MIIP: variants seen among roughly 807,000 people sequenced by gnomAD.
MIIP encodes the protein migration and invasion-inhibitory protein.
In MIIP, 44 loss-of-function variants were observed where a neutral mutation model predicts 44.8. That is an observed-to-expected ratio of 0.98 (90% CI 0.77 to 1.26). The LOEUF is 1.26. Among genes scored for constraint, MIIP ranks in the 50% most tolerant of loss-of-function variants. MIIP has a pLI of 0.00. For missense variants in MIIP, 496 were observed against 511.7 expected (o/e 0.97, Z 0.30); for synonymous variants, 225 against 218.3 (o/e 1.03, Z -0.27).
chr1:12,029,662 G>A (rs1328801483), intron 6 of MIIP, 103 bp from the exon 7 acceptor site: 1 of 1,485,174 alleles, frequency 6.7e-7, no homozygotes, highest in Non-Finnish European at 9.1e-7. Context: ...CTTCCCAGAG[G>A]GATTGGCAGC....
chr1:12,022,792 CT>C, intron 3 of MIIP, 40 bp from the exon 4 acceptor site: 1 of 1,507,920 alleles, frequency 6.6e-7, no homozygotes, highest in South Asian at 1.2e-5. Flanking sequence ...TGGGCCAGGC[CT>C]CTTGGCTTAG....
In MIIP at chr1:12,020,887, C is replaced by T. The variant is rs117512839; in HGVS notation, c.-82-758C>T. 3.7e-3 allele frequency among the ~76,000 whole-genome samples: 561 copies of T among 152,258 alleles called. 7 individuals carry two copies. The East Asian group carries it at 0.041, about 11-fold the overall frequency. ...TTAGTAGCGACGAGGTCTCTCGCCA[C>T]GTTGGCTAGGCTCATCTCAAACTCC... On this transcript the variant is annotated intron_variant, in intron 1 of 9. Coordinates refer to ENST00000235332, the MANE Select transcript of MIIP (RefSeq NM_021933.4).
chr1:12,027,290 A>C (rs1217404986), intron 4 of MIIP, among the ~76,000 whole-genome samples: 1 of 152,168 alleles, frequency 6.6e-6, no homozygotes, highest in Non-Finnish European at 1.5e-5. Flanking sequence ...GATTATAGGC[A>C]TGAGCCACTG....
chr1:12,029,584 C>T, intron 6 of MIIP, 181 bp from the exon 7 acceptor site: 5 of 869,308 alleles, frequency 5.8e-6, no homozygotes, highest in Non-Finnish European at 8.8e-6. Flanking sequence ...GGATGTCCCT[C>T]CCCACCCCTT....
Position 12,022,445 on chromosome 1 carries a change from A to C in MIIP, c.462+3A>C, listed in dbSNP as rs1215539568. The C allele has an allele frequency of 6.5e-7, 1 of 1,531,002 alleles. No individual in the cohort carries two copies. Among genetic ancestry groups the C allele is most frequent in the Non-Finnish European group, 8.8e-7 (1 of 1,139,654 alleles). The allele number at this position is 1,531,002 out of a possible 1,614,324, so 94.8% of individuals were successfully genotyped here. A position where few individuals can be genotyped will look rare whatever the true frequency, so the allele number is the denominator to read the frequency against. ...CTCAACAGAGCAAGCTGTCCAAGGT[A>C]ACGTGGGAGAGCGGGACATCTGCTG... On this transcript the variant is annotated splice_donor_region_variant and intron_variant, in intron 3 of 9. Transcript: ENST00000235332.
chr1:12,025,028 C>CTTTTTTTTTTTTTTTTT (rs147513513), intron 4 of MIIP, among the ~76,000 whole-genome samples: 42 of 123,888 alleles, frequency 3.4e-4, no homozygotes, highest in African/African-American at 4.4e-4. Context: ...AATTCCCTTC[C>CTTTTTTTTTTTTTTTTT]TTTTTTTTTT....
chr1:12,031,906 A>C lies in MIIP; in HGVS notation c.*98A>C. 4 of 1,266,070 alleles carry C rather than the reference A, an allele frequency of 3.2e-6. No individual in the cohort carries two copies. The highest frequency in any genetic ancestry group is 4.5e-6 in the Non-Finnish European group (4 of 894,876). The allele number at this position is 1,266,070 out of a possible 1,614,324, so 78.4% of individuals were successfully genotyped here. A position where few individuals can be genotyped will look rare whatever the true frequency, so the allele number is the denominator to read the frequency against. On this transcript the variant is annotated 3_prime_UTR_variant, in exon 10 of 10. Transcript: ENST00000235332. ...ATGGAATCCCCTGCCCGCCCAGCTC[A>C]GGCCCAGCTGTCCTAGGTTGGGCAG...
At chr1:12,021,199 C>T (rs928488809) in intron 1 of MIIP, among the ~76,000 whole-genome samples, 3 of 151,874 alleles carry the variant, frequency 2.0e-5, no homozygotes, top group Non-Finnish European at 4.4e-5. Flanking sequence ...TCGAGACCAT[C>T]CTGGCTAACA....
rs930691592 is a variant in MIIP, at chr1:12,029,971, G to A, written c.846-57G>A. On this transcript the variant is annotated intron_variant, in intron 7 of 9. Transcript: ENST00000235332. The stretch of plus-strand genomic sequence containing the variant: ...GTTTTAAGAAAAGATGGGCCTGGGC[G>A]TGGGCCCCCAACCGCTGGGAGGCTC... 2.9e-5 allele frequency: 47 copies of A among 1,608,946 alleles called. No homozygotes were observed. In the Admixed American group the frequency reaches 4.3e-4, roughly 15 times the overall value.
chr1:12,029,679 G>A, intron 6 of MIIP, 86 bp from the exon 7 acceptor site: 12 of 1,531,020 alleles, frequency 7.8e-6, no homozygotes, highest in Non-Finnish European at 1.1e-5. Flanking sequence ...CAGCTTGTGT[G>A]GTTGGGGGCC....
Position 12,026,964 on chromosome 1 carries a change from C to T in MIIP, c.548-2069C>T, listed in dbSNP as rs558219840. On this transcript the variant is annotated intron_variant, in intron 4 of 9. Coordinates refer to ENST00000235332, the MANE Select transcript of MIIP (RefSeq NM_021933.4). ...CCTCTTCAAAAGGGCTGTCTAGCCT[C>T]GTTGCCTTCAATTTCTCTCCACTAC... Among the ~76,000 whole-genome samples the T allele has an allele frequency of 2.0e-5, 3 of 151,874 alleles. No individual in the cohort carries two copies. In the East Asian group the frequency reaches 5.8e-4, roughly 29 times the overall value.
At chr1:12,028,946 T>G in intron 4 of MIIP, 87 bp from the exon 5 acceptor site, 9 of 1,124,590 alleles carry the variant, frequency 8.0e-6, no homozygotes, top group Non-Finnish European at 1.1e-5. Context: ...GTGCCAGGGC[T>G]GATCGTCTCT....
At chr1:12,022,773 G>A (rs1640010242) in intron 3 of MIIP, 60 bp from the exon 4 acceptor site, 17 of 1,320,624 alleles carry the variant, frequency 1.3e-5, no homozygotes, top group Admixed American at 3.9e-5. Flanking sequence ...CTCGAATTGC[G>A]GCTTCCTCTG....
intron 9 of MIIP, 54 bp from the exon 10 acceptor site, chr1:12,031,668 G>A: frequency 6.2e-7 from 1 of 1,613,792 alleles, no homozygotes; most frequent in Non-Finnish European, 8.5e-7. Flanking sequence ...TGGAACTGGG[G>A]ATGACCTGTC....
At chr1:12,028,041 T>C (rs1640140085) in intron 4 of MIIP, among the ~76,000 whole-genome samples, 1 of 152,110 alleles carries the variant, frequency 6.6e-6, no homozygotes, top group Non-Finnish European at 1.5e-5. Flanking sequence ...ACCCCGTCTC[T>C]ACTAAAAATA....
rs1640208132 is a variant in MIIP, at chr1:12,030,255, T to A, written c.942+131T>A. 6 of 826,590 alleles carry A rather than the reference T, an allele frequency of 7.3e-6. No homozygotes were observed. The Admixed American group carries it at 9.1e-5, about 13-fold the overall frequency. The allele number at this position is 826,590 out of a possible 1,614,324, so 51.2% of individuals were successfully genotyped here. ...GCGCCCAAGTCTCTGGAGCACAGCC[T>A]GGGCCTCTTCCATCACCCACACCTG... is the stretch of plus-strand genomic sequence containing the variant. On this transcript the variant is annotated intron_variant, in intron 8 of 9. Coordinates refer to ENST00000235332, the MANE Select transcript of MIIP (RefSeq NM_021933.4).
chr1:12,029,081 TCTC>T lies in MIIP; in HGVS notation c.598_600del (p.Ser200del), dbSNP rs755296005. On this transcript the variant is annotated inframe_deletion, in exon 5 of 10. Coordinates refer to ENST00000235332, the MANE Select transcript of MIIP (RefSeq NM_021933.4). ...ATCACCAGCCAGCCTGAGGCCTTCT[TCTC>T]CAAGCTGCAGGAGTTTCGGGAAACC... 26 of 1,614,114 alleles carry T rather than the reference TCTC, an allele frequency of 1.6e-5. No individual in the cohort carries two copies. The highest frequency in any genetic ancestry group is 1.3e-4 in the South Asian group (12 of 91,084).
Position 12,022,168 on chromosome 1 carries a change from G to C in MIIP, c.188G>C (p.Ser63Thr). ...CCAGAGACGTCCTCAACTTCCTTGA[G>C]CACCTCCTGCCCACGGGGCCGGTCC... ...STPETSSTSL[S>T]TSCPRGRSSV... The change falls in exon 3 of 10, where the codon AGC (serine) becomes ACC (threonine). Residue 63 changes from serine (S) to threonine (T), a missense_variant. Ser to Thr is a moderately conservative substitution (Grantham distance 58). Coordinates refer to ENST00000235332, the MANE Select transcript of MIIP (RefSeq NM_021933.4). The C allele has an allele frequency of 1.9e-6, 3 of 1,614,006 alleles. No homozygotes were observed. Among genetic ancestry groups the C allele is most frequent in the Non-Finnish European group, 2.5e-6 (3 of 1,179,984 alleles).
In MIIP at chr1:12,031,730, A is replaced by G. The variant is rs769260753; in HGVS notation, c.1089A>G (p.Pro363=). ...GTSSPFHPAS[P]MQMLPPTPTW... is the part of the protein sequence containing the mutation. ...CCCTATTCCCCATCCAGGCCTCACCAATGCAGATGCTGCCCCCGACCCCGA... is the reference window on the plus strand; with the variant it reads ...CCCTATTCCCCATCCAGGCCTCACCGATGCAGATGCTGCCCCCGACCCCGA... Residue 363 remains proline, a synonymous_variant, in exon 10 of 10, where the codon CCA becomes CCG. Transcript: ENST00000235332. The G allele has an allele frequency of 5.0e-6, 8 of 1,613,806 alleles. No homozygotes were observed. The highest frequency in any genetic ancestry group is 6.8e-6 in the Non-Finnish European group (8 of 1,179,958).
Sources: gnomAD v4.1 joint callset for allele counts (sites outside exome capture counted in the v4.1 genomes callset) on GRCh38, gnomAD v4.1.1 for gene constraint, MANE v1.5 for transcripts, NCBI Gene and HGNC (gene_info 2026-07-23, HGNC 2026-07-21) for gene names.